Variants in TEX11 observed in about 807,000 individuals in gnomAD.
TEX11 encodes testis-expressed protein 11.
A neutral mutation model predicts 84.4 loss-of-function variants in TEX11; 7 were observed. The ratio of observed to expected loss-of-function variants is 0.08; its 90% confidence interval spans 0.05 to 0.16. The LOEUF (loss-of-function observed/expected upper bound fraction) is 0.16. TEX11 is among the 10% of genes least tolerant of loss of function. The pLI is 1.00. For missense variants in TEX11, 551 were observed against 660.5 expected (o/e 0.83, Z 1.82); for synonymous variants, 264 against 222.8 (o/e 1.18, Z -1.64).
chrX:70,666,251 A>ATG (rs987883278), intron 16 of TEX11, among the ~76,000 whole-genome samples: 3 of 111,928 alleles, frequency 2.7e-5, no homozygotes, highest in African/African-American at 9.7e-5. Flanking sequence ...GAAGCTAAGA[A>ATG]TGTCATTAAG....
At position 70,789,704 on chromosome X, in the gene TEX11, T is replaced by A. The variant is rs767660222; in HGVS notation, c.692+17001A>T. Among the ~76,000 whole-genome samples the A allele has an allele frequency of 4.5e-5, 5 of 112,263 alleles. No individual in the cohort carries two copies. In the South Asian group the frequency reaches 1.8e-3, roughly 41 times the overall value. On this transcript the variant is annotated intron_variant, in intron 9 of 29. Transcript: ENST00000374333. ...CATTGTCAATGAGAATGTAAATTAGTACAAACATTATGGAAAACTGTATAG... is the reference window on the plus strand; with the variant it reads ...CATTGTCAATGAGAATGTAAATTAGAACAAACATTATGGAAAACTGTATAG...
downstream of TEX11, among the ~76,000 whole-genome samples, chrX:70,524,558 TTTGTTG>T (rs769977419): frequency 5.3e-5 from 6 of 112,273 alleles, no homozygotes; most frequent in Non-Finnish European, 9.4e-5. Flanking sequence ...AGATGGTTTT[TTTGTTG>T]TTGTTGTTGT....
intron 2 of TEX11, among the ~76,000 whole-genome samples, 154 bp from the exon 3 acceptor site, chrX:70,880,263 T>C (rs1177200676): frequency 8.9e-6 from 1 of 112,472 alleles, no homozygotes; most frequent in African/African-American, 3.2e-5. Flanking sequence ...AGATTTAAAG[T>C]TTCTTTAAGC....
intron 7 of TEX11, among the ~76,000 whole-genome samples, chrX:70,852,046 A>T (rs2091511251): frequency 8.9e-6 from 1 of 112,267 alleles, no homozygotes; most frequent in Non-Finnish European, 1.9e-5. Context: ...TTTTAAACTT[A>T]GCTTGTGGTG....
intron 25 of TEX11, among the ~76,000 whole-genome samples, chrX:70,568,576 C>T (rs1433633915): frequency 1.2e-4 from 13 of 110,698 alleles, no homozygotes; most frequent in East Asian, 5.7e-4. Flanking sequence ...GTGCTTCCTT[C>T]GGGAGCTCTT....
chrX:70,841,125 C>A lies in TEX11; in HGVS notation c.526-7532G>T, dbSNP rs139144613. Among the ~76,000 whole-genome samples the A allele has an allele frequency of 2.5e-3, 278 of 110,965 alleles. 1 individual carries two copies. Among genetic ancestry groups the A allele is most frequent in the African/African-American group, 8.3e-3 (254 of 30,539 alleles). ...GAATTGAACTCAGCTTTGCACCAAG[C>A]GGACCTAATAGACATCTACAGAACT... On this transcript the variant is annotated intron_variant, in intron 7 of 29. Coordinates refer to ENST00000374333, the MANE Select transcript of TEX11 (RefSeq NM_031276.3).
intron 9 of TEX11, among the ~76,000 whole-genome samples, chrX:70,786,916 C>T (rs1021230507): frequency 9.0e-6 from 1 of 111,499 alleles, no homozygotes; most frequent in African/African-American, 3.3e-5. Flanking sequence ...GGGCGGATTG[C>T]CTGAGGTCAG....
At chrX:70,857,228 C>A in intron 5 of TEX11, 1 of 122,757 alleles carries the variant, frequency 8.1e-6, no homozygotes, top group South Asian at 3.1e-4. Flanking sequence ...GCCAGCTATT[C>A]AGCAGAAAAG....
intron 9 of TEX11, among the ~76,000 whole-genome samples, chrX:70,780,593 C>T (rs1051996601): frequency 1.8e-5 from 2 of 112,428 alleles, no homozygotes; most frequent in Admixed American, 9.4e-5. Flanking sequence ...AGGAACAGTA[C>T]ACTCCTGCCC....
chrX:70,665,790 G>A (rs1161747499), intron 16 of TEX11, among the ~76,000 whole-genome samples: 4 of 111,720 alleles, frequency 3.6e-5, no homozygotes, highest in African/African-American at 6.5e-5. Flanking sequence ...AATAAAATGC[G>A]TTCTCACCCT....
chrX:70,885,875 T>C (rs1259711994), intron 2 of TEX11, among the ~76,000 whole-genome samples: 1 of 77,306 alleles, frequency 1.3e-5, no homozygotes, highest in Non-Finnish European at 2.3e-5. Context: ...TGGGTAAGAG[T>C]GAGACACTGC....
chrX:70,518,214 T>C, the TEX11 span, among the ~76,000 whole-genome samples: 3 of 111,789 alleles, frequency 2.7e-5, no homozygotes, highest in African/African-American at 9.8e-5. Context: ...ATTGTGATGT[T>C]AGGGTGTCAA....
At chrX:70,660,193 G>A (rs1005361636) in intron 16 of TEX11, among the ~76,000 whole-genome samples, 1 of 111,867 alleles carries the variant, frequency 8.9e-6, no homozygotes, top group African/African-American at 3.2e-5. Context: ...TGGGTAGTCA[G>A]TGAGTGCTGA....
At chrX:70,632,332 G>A (rs1447974305) in intron 17 of TEX11, among the ~76,000 whole-genome samples, 1 of 111,321 alleles carries the variant, frequency 9.0e-6, no homozygotes, top group East Asian at 2.8e-4. Flanking sequence ...AGATCAGAAC[G>A]TAAATAAATT....
chrX:70,864,862 C>G (rs1210840916), intron 4 of TEX11, among the ~76,000 whole-genome samples: 1 of 110,238 alleles, frequency 9.1e-6, no homozygotes, highest in Non-Finnish European at 1.9e-5. Flanking sequence ...ATTTTGTGAC[C>G]ACCAGGCCTG....
chrX:70,630,837 A>T (rs56328888), intron 17 of TEX11, among the ~76,000 whole-genome samples: 12,421 of 111,836 alleles, frequency 0.11, 594 homozygotes, highest in Middle Eastern at 0.21. Context: ...AATATACACT[A>T]AAGTGAAGGT....
rs1225600205 is a variant in TEX11, at chrX:70,776,400, A to G, written c.692+30305T>C. Among the ~76,000 whole-genome samples the G allele has an allele frequency of 2.7e-5, 3 of 109,624 alleles. No homozygotes were observed. In the Admixed American group the frequency reaches 2.9e-4, roughly 11 times the overall value. ...AACATTGTGAAACCCTGTCTCTACT[A>G]AAAATAGAAAAATTTAGCCAGGCGT... is the stretch of plus-strand genomic sequence containing the variant. On this transcript the variant is annotated intron_variant, in intron 9 of 29. Coordinates refer to ENST00000374333, the MANE Select transcript of TEX11 (RefSeq NM_031276.3).
chrX:70,697,857 A>C (rs2147678077), intron 13 of TEX11, among the ~76,000 whole-genome samples: 1 of 112,067 alleles, frequency 8.9e-6, no homozygotes, highest in Admixed American at 9.5e-5. Flanking sequence ...AATTTGCATA[A>C]GGTTAAGCAT....
At chrX:70,562,945 G>A (rs1049064678) in intron 25 of TEX11, among the ~76,000 whole-genome samples, 1 of 111,686 alleles carries the variant, frequency 9.0e-6, no homozygotes, top group Non-Finnish European at 1.9e-5. Flanking sequence ...TTTTCACTTG[G>A]CAAATGCATT....
Sources: gnomAD v4.1 joint callset for allele counts (sites outside exome capture counted in the v4.1 genomes callset) on GRCh38, gnomAD v4.1.1 for gene constraint, MANE v1.5 for transcripts, NCBI Gene and HGNC (gene_info 2026-07-23, HGNC 2026-07-21) for gene names.